The following AFF2 variants were observed in gnomAD, a reference collection of about 807,000 sequenced individuals.
AFF2 encodes AF4/FMR2 family member 2.
A neutral mutation model predicts 76.9 loss-of-function variants in AFF2; 14 were observed. The ratio of observed to expected loss-of-function variants is 0.18; its 90% CI spans 0.12 to 0.28. AFF2 has a LOEUF of 0.28. Among genes scored for constraint, AFF2 ranks in the 10% least tolerant of loss-of-function variants. The probability of loss-of-function intolerance (pLI) is 1.00; values close to 1 mark genes in which losing one functional copy is unlikely to be tolerated. For synonymous variants in AFF2, 398 were observed against 366.7 expected, an observed-to-expected ratio of 1.09 and a Z score of -0.98; for missense variants, 868 against 1,001.1, an observed-to-expected ratio of 0.87 and a Z score of 1.79.
chrX:148,697,759 T>C (rs2054737989), intron 3 of AFF2, among the ~76,000 whole-genome samples: 1 of 111,790 alleles, frequency 8.9e-6, no homozygotes. Context: ...GCTGAGGTCA[T>C]GGGTCTGCAA....
rs1056186509 is a variant in AFF2, at chrX:148,939,025, C to A, written c.1398-14555C>A. 5.4e-5 allele frequency among the ~76,000 whole-genome samples: 6 copies of A among 110,732 alleles called. No homozygotes were observed. The South Asian group carries it at 1.1e-3, about 21-fold the overall frequency. On this transcript the variant is annotated intron_variant, in intron 9 of 20. Coordinates refer to ENST00000370460, the MANE Select transcript of AFF2 (RefSeq NM_002025.4). ...ATAAAGGACCATTAAAACTGTACAG[C>A]ATTATGTTGAATAATGAGACATTTA... is the stretch of plus-strand genomic sequence containing the variant.
At chrX:148,747,707 G>A (rs1201979839) in intron 3 of AFF2, among the ~76,000 whole-genome samples, 1 of 111,464 alleles carries the variant, frequency 9.0e-6, no homozygotes, top group Non-Finnish European at 1.9e-5. Flanking sequence ...ACTCTCAAAA[G>A]CTGGGCATTA....
chrX:148,790,651 A>G (rs1288008121), intron 3 of AFF2, among the ~76,000 whole-genome samples: 2 of 107,539 alleles, frequency 1.9e-5, no homozygotes, highest in Non-Finnish European at 3.8e-5. Context: ...GAACATATGG[A>G]CACAGGGAGG....
chrX:148,567,401 C>T (rs1249418439), intron 1 of AFF2, among the ~76,000 whole-genome samples: 1 of 111,359 alleles, frequency 9.0e-6, no homozygotes, highest in East Asian at 2.8e-4. Flanking sequence ...GAAACCTAGC[C>T]GTTATCTTGA....
Position 148,992,365 on chromosome X carries a change from G to T in AFF2, c.*1033G>T, listed in dbSNP as rs1262174560. On this transcript the variant is annotated 3_prime_UTR_variant, in exon 21 of 21. Transcript: ENST00000370460. ...CAAGGTATCACTACCTAGAAGTAAT[G>T]ATATACAGTTTTCTTCCTAGTGGCT... is the stretch of plus-strand genomic sequence containing the variant. The T allele has an allele frequency of 8.9e-6, 1 of 112,082 alleles. No individual in the cohort carries two copies. Among genetic ancestry groups the T allele is most frequent in the African/African-American group, 3.2e-5 (1 of 30,848 alleles). 9.2% of individuals were successfully genotyped at this position (112,082 alleles called of 1,213,427 possible).
intron 3 of AFF2, among the ~76,000 whole-genome samples, chrX:148,697,569 T>G (rs1200603144): frequency 9.0e-6 from 1 of 111,677 alleles, no homozygotes; most frequent in Non-Finnish European, 1.9e-5. Flanking sequence ...CATTTTTCCT[T>G]ATATACAATG....
At chrX:148,608,240 AT>A (rs1167726136) in intron 1 of AFF2, among the ~76,000 whole-genome samples, 33 of 111,438 alleles carry the variant, frequency 3.0e-4, no homozygotes, top group African/African-American at 1.0e-3. Flanking sequence ...TGTGTCAACA[AT>A]TTTTTTTCCA....
At chrX:148,820,791 C>G (rs782358731) in intron 4 of AFF2, among the ~76,000 whole-genome samples, 13 of 111,609 alleles carry the variant, frequency 1.2e-4, no homozygotes, top group Non-Finnish European at 1.7e-4. Context: ...TGTTTACCCC[C>G]TGAACTTAAA....
At chrX:148,692,912 GGTTTTT>G (rs1231417213) in intron 3 of AFF2, among the ~76,000 whole-genome samples, 1 of 110,630 alleles carries the variant, frequency 9.0e-6, no homozygotes, top group East Asian at 2.9e-4. Context: ...AAGGTGCCAG[GGTTTTT>G]GTTTTTGTTT....
intron 3 of AFF2, among the ~76,000 whole-genome samples, chrX:148,663,772 T>A (rs1222995707): frequency 8.9e-6 from 1 of 111,975 alleles, no homozygotes; most frequent in Non-Finnish European, 1.9e-5. Flanking sequence ...TGGTTGTAGA[T>A]TCCAAGTTAG....
At chrX:148,652,455 A>AGTAGACTGACTTCT (rs1342133361) in intron 2 of AFF2, among the ~76,000 whole-genome samples, 5 of 111,720 alleles carry the variant, frequency 4.5e-5, no homozygotes, top group African/African-American at 1.6e-4. Context: ...GTCAGTAGGC[A>AGTAGACTGACTTCT]GCTCCTGAAG....
At chrX:148,713,812 C>A (rs2124532434) in intron 3 of AFF2, among the ~76,000 whole-genome samples, 1 of 111,549 alleles carries the variant, frequency 9.0e-6, no homozygotes, top group East Asian at 2.9e-4. Flanking sequence ...ACGAAGGGGA[C>A]ATTTGCAGTC....
At chrX:148,525,773 AT>A (rs782593101) in intron 1 of AFF2, among the ~76,000 whole-genome samples, 1 of 112,447 alleles carries the variant, frequency 8.9e-6, no homozygotes, top group East Asian at 2.8e-4. Context: ...CATTCTAAAC[AT>A]CATCTATTTT....
At chrX:148,710,968 TTTAA>T (rs1353196475) in intron 3 of AFF2, among the ~76,000 whole-genome samples, 5 of 111,935 alleles carry the variant, frequency 4.5e-5, no homozygotes, top group East Asian at 2.8e-4. Flanking sequence ...TCATATATTG[TTTAA>T]TTATTTAGAA....
chrX:148,571,491 T>A (rs1413994131), intron 1 of AFF2, among the ~76,000 whole-genome samples: 2 of 111,402 alleles, frequency 1.8e-5, no homozygotes, highest in Non-Finnish European at 3.8e-5. Context: ...TGGGGCACAT[T>A]TTCAGTGGGA....
chrX:148,710,234 A>G (rs958605430), intron 3 of AFF2, among the ~76,000 whole-genome samples: 1 of 111,971 alleles, frequency 8.9e-6, no homozygotes, highest in Non-Finnish European at 1.9e-5. Context: ...AAAATGGCAC[A>G]ACAGAACTGA....
At chrX:148,673,506 A>G (rs1557259255) in intron 3 of AFF2, among the ~76,000 whole-genome samples, 1 of 111,720 alleles carries the variant, frequency 9.0e-6, no homozygotes, top group East Asian at 2.8e-4. Flanking sequence ...TAAGGACATC[A>G]GTTATTGGAT....
At chrX:148,818,140 G>A (rs2070288459) in intron 4 of AFF2, among the ~76,000 whole-genome samples, 1 of 111,551 alleles carries the variant, frequency 9.0e-6, no homozygotes, top group Non-Finnish European at 1.9e-5. Context: ...AGGCATTAAA[G>A]TGAGAGATAA....
Position 148,636,500 on chromosome X carries a change from A to G in AFF2, c.48-15499A>G, listed in dbSNP as rs782623348. Among the ~76,000 whole-genome samples, 4 of 112,260 alleles carry G rather than the reference A, an allele frequency of 3.6e-5. No individual in the cohort carries two copies. The East Asian group carries it at 1.1e-3, about 31-fold the overall frequency. ...GCAGAGCATGGGCCTGCACCCTTCT[A>G]TTTCAAGGTGCCCAACAGCAAATGA... is the stretch of plus-strand genomic sequence containing the variant. On this transcript the variant is annotated intron_variant, in intron 1 of 20. Transcript: ENST00000370460.
Sources: allele counts gnomAD v4.1 joint callset (sites outside exome capture counted in the v4.1 genomes callset), GRCh38; gene constraint gnomAD v4.1.1; transcripts MANE v1.5; gene names NCBI Gene and HGNC (gene_info 2026-07-23, HGNC 2026-07-21).